OPCML: variants seen among roughly 807,000 people sequenced by gnomAD.
The protein encoded by OPCML is opioid-binding protein/cell adhesion molecule.
In OPCML, 13 loss-of-function variants were observed where a neutral mutation model predicts 37.8. The ratio of observed to expected loss-of-function variants is 0.34; its 90% CI spans 0.22 to 0.55. The LOEUF is 0.55. OPCML is among the 20% of genes least tolerant of loss of function. OPCML has a pLI of 0.91. For synonymous variants in OPCML, 176 were observed against 168.8 expected (o/e 1.04, Z -0.33); for missense variants, 341 against 435.6 (o/e 0.78, Z 1.93).
At position 133,335,930 on chromosome 11, in the gene OPCML, A is replaced by T. The variant is rs2136659208; in HGVS notation, c.61+196334T>A. 3.3e-5 allele frequency among the ~76,000 whole-genome samples: 5 copies of T among 152,194 alleles called. 1 individual carries two copies. The highest frequency in any genetic ancestry group is 6.8e-3 in the Middle Eastern group (2 of 294). ...AGTGATGGGAGTCCTGAAAGAAAGG[A>T]GTCTCCATCTAGGGGCTCTGTTTGC... is the stretch of plus-strand genomic sequence containing the variant. On this transcript the variant is annotated intron_variant, in intron 1 of 7. Coordinates refer to ENST00000524381, the MANE Select transcript of OPCML (RefSeq NM_001012393.5).
intron 2 of OPCML, chr11:132,860,194 G>A (rs1488885251): frequency 6.6e-6 from 1 of 152,218 alleles, no homozygotes; most frequent in African/African-American, 2.4e-5. Context: ...GGAAGTTAAA[G>A]ATGCTTTACT....
chr11:133,394,231 C>G (rs910373241), intron 1 of OPCML, among the ~76,000 whole-genome samples: 5 of 152,184 alleles, frequency 3.3e-5, no homozygotes, highest in Non-Finnish European at 7.3e-5. Flanking sequence ...AACAAAAATA[C>G]TCTCCCACAT....
In OPCML at chr11:132,933,816, C is replaced by G. The variant is rs575303974; in HGVS notation, c.146+9110G>C. On this transcript the variant is annotated intron_variant, in intron 2 of 7. Coordinates refer to ENST00000524381, the MANE Select transcript of OPCML (RefSeq NM_001012393.5). ...TATCTTTAGAGATGGCAGAGAAAAG[C>G]ACACGGCGGTACAAATTTGAGTTCT... Among the ~76,000 whole-genome samples the G allele has an allele frequency of 3.3e-5, 5 of 152,236 alleles. No individual in the cohort carries two copies. The South Asian group carries it at 1.0e-3, about 32-fold the overall frequency.
intron 1 of OPCML, among the ~76,000 whole-genome samples, chr11:133,172,350 A>C (rs1193798327): frequency 6.6e-6 from 1 of 152,202 alleles, no homozygotes; most frequent in African/African-American, 2.4e-5. Context: ...GTGCTTAGAA[A>C]AGGCCTGTCA....
intron 2 of OPCML, among the ~76,000 whole-genome samples, chr11:132,786,253 G>A (rs1228173173): frequency 6.6e-6 from 1 of 152,284 alleles, no homozygotes; most frequent in South Asian, 2.1e-4. Flanking sequence ...AACTTTAGCT[G>A]TAACTCATCT....
chr11:132,939,046 T>C (rs1945487842), intron 2 of OPCML, among the ~76,000 whole-genome samples: 2 of 152,200 alleles, frequency 1.3e-5, no homozygotes, highest in South Asian at 4.1e-4. Context: ...CTTGAGTGTC[T>C]TTTAATGTCT....
intron 1 of OPCML, among the ~76,000 whole-genome samples, chr11:133,347,723 G>A (rs890281533): frequency 1.4e-4 from 22 of 152,180 alleles, no homozygotes; most frequent in Non-Finnish European, 2.9e-5. Context: ...GACTCGGAAA[G>A]GAAAGCTCCT....
chr11:132,926,369 C>A (rs35013261), intron 2 of OPCML, among the ~76,000 whole-genome samples: 1 of 151,970 alleles, frequency 6.6e-6, no homozygotes, highest in African/African-American at 2.4e-5. Flanking sequence ...AGACAGCATA[C>A]CTTCTGCAAG....
intron 3 of OPCML, among the ~76,000 whole-genome samples, chr11:132,545,631 T>C (rs1052887152): frequency 6.6e-6 from 1 of 152,206 alleles, no homozygotes; most frequent in Non-Finnish European, 1.5e-5. Context: ...ACTTTGTATT[T>C]TGTTTATCCA....
chr11:133,308,830 A>G (rs1476156650), intron 1 of OPCML, among the ~76,000 whole-genome samples: 1 of 152,238 alleles, frequency 6.6e-6, no homozygotes, highest in African/African-American at 2.4e-5. Context: ...ATCTTTAAAA[A>G]AGAGAGATGT....
At chr11:133,092,274 TA>T (rs1221975736) in intron 1 of OPCML, among the ~76,000 whole-genome samples, 1 of 152,186 alleles carries the variant, frequency 6.6e-6, no homozygotes, top group Non-Finnish European at 1.5e-5. Context: ...CTGTTGTTTA[TA>T]AATTACCCGG....
chr11:133,007,011 A>C (rs1947126479), intron 1 of OPCML: 1 of 985,338 alleles, frequency 1.0e-6, no homozygotes, highest in Non-Finnish European at 1.2e-6. Flanking sequence ...ATATTCACTT[A>C]ATTTAAAACA....
At chr11:133,378,846 G>A (rs967065041) in intron 1 of OPCML, among the ~76,000 whole-genome samples, 2 of 151,922 alleles carry the variant, frequency 1.3e-5, no homozygotes, top group Non-Finnish European at 2.9e-5. Context: ...GATCCTCCTG[G>A]AGCCTCAGCC....
chr11:133,040,817 G>A (rs1205590019), intron 1 of OPCML, among the ~76,000 whole-genome samples: 2 of 152,166 alleles, frequency 1.3e-5, no homozygotes, highest in Non-Finnish European at 2.9e-5. Context: ...GATGGGAGAA[G>A]GAGAAAGGGT....
At chr11:132,437,480 A>G in intron 4 of OPCML, 121 bp from the exon 5 acceptor site, 1 of 1,501,276 alleles carries the variant, frequency 6.7e-7, no homozygotes, top group Non-Finnish European at 8.8e-7. Flanking sequence ...GGAGTAGGAC[A>G]TCAAGTCAAA....
intron 4 of OPCML, among the ~76,000 whole-genome samples, chr11:132,463,776 A>G (rs888920275): frequency 6.6e-6 from 1 of 152,164 alleles, no homozygotes; most frequent in Non-Finnish European, 1.5e-5. Flanking sequence ...AAAAATACAT[A>G]TTATTGGGCC....
intron 1 of OPCML, among the ~76,000 whole-genome samples, chr11:133,124,314 GC>G (rs541435060): frequency 8.5e-4 from 130 of 152,210 alleles, no homozygotes; most frequent in African/African-American, 3.0e-3. Context: ...GGGGCTCTTT[GC>G]AAAGCTCTCA....
chr11:133,235,970 G>A (rs532572330), intron 1 of OPCML, among the ~76,000 whole-genome samples: 10 of 152,216 alleles, frequency 6.6e-5, no homozygotes, highest in East Asian at 3.9e-4. Context: ...GACTCCCAGC[G>A]GATGCTTAAA....
chr11:133,419,323 T>C, intron 1 of OPCML: 1 of 985,404 alleles, frequency 1.0e-6, no homozygotes, highest in Non-Finnish European at 1.2e-6. Flanking sequence ...AAAATAGGCA[T>C]GAATCTCAGG....
Sources: gnomAD v4.1 joint callset for allele counts (sites outside exome capture counted in the v4.1 genomes callset) on GRCh38, gnomAD v4.1.1 for gene constraint, MANE v1.5 for transcripts, NCBI Gene and HGNC (gene_info 2026-07-23, HGNC 2026-07-21) for gene names.